UBR3: variants seen among roughly 807,000 people sequenced by gnomAD.
The protein encoded by UBR3 is E3 ubiquitin-protein ligase UBR3.
Under a neutral mutation model 243.2 loss-of-function variants are expected in UBR3, and 85 were observed. The ratio of observed to expected loss-of-function variants is 0.35; its 90% CI spans 0.29 to 0.42. UBR3 has a LOEUF of 0.42. Ranked by LOEUF, UBR3 falls within the 10% of genes least tolerant of loss-of-function variation. The pLI is 1.00. For missense variants in UBR3, 1,686 were observed against 2,300.8 expected, an observed-to-expected ratio of 0.73 and a Z score of 5.47; for synonymous variants, 748 against 799.8, an observed-to-expected ratio of 0.94 and a Z score of 1.09.
chr2:170,066,198 T>C (rs964227463), intron 35 of UBR3, among the ~76,000 whole-genome samples: 3 of 152,212 alleles, frequency 2.0e-5, no homozygotes, highest in African/African-American at 7.2e-5. Flanking sequence ...GAATGGTAAC[T>C]AGTAGATGTT....
chr2:169,894,036 T>G (rs1486515942), intron 6 of UBR3, among the ~76,000 whole-genome samples: 1 of 152,146 alleles, frequency 6.6e-6, no homozygotes, highest in African/African-American at 2.4e-5. Context: ...GGAAATGATC[T>G]GTTTCAGGAA....
intron 3 of UBR3, among the ~76,000 whole-genome samples, chr2:169,877,207 G>T (rs115363083): frequency 1.3e-5 from 2 of 152,138 alleles, no homozygotes; most frequent in Non-Finnish European, 2.9e-5. Context: ...TTCCTTTAAA[G>T]TTCGGATCAT....
chr2:169,960,577 G>GT (rs1048827533), intron 24 of UBR3, among the ~76,000 whole-genome samples: 1 of 151,428 alleles, frequency 6.6e-6, no homozygotes, highest in Non-Finnish European at 1.5e-5. Context: ...TTATATTTTT[G>GT]TTTTTTTACA....
At chr2:170,043,293 T>C (rs1034010676) in intron 32 of UBR3, among the ~76,000 whole-genome samples, 2 of 152,160 alleles carry the variant, frequency 1.3e-5, no homozygotes, top group Non-Finnish European at 2.9e-5. Flanking sequence ...GTTGTGTCAG[T>C]GTCTGAGAGC....
chr2:169,910,197 A>G (rs912666164), intron 10 of UBR3, among the ~76,000 whole-genome samples: 1 of 152,170 alleles, frequency 6.6e-6, no homozygotes, highest in Non-Finnish European at 1.5e-5. Flanking sequence ...TATAGAAGAT[A>G]TTTATCACCA....
At chr2:170,008,405 T>C (rs947448743) in intron 28 of UBR3, among the ~76,000 whole-genome samples, 5 of 152,210 alleles carry the variant, frequency 3.3e-5, no homozygotes, top group Non-Finnish European at 5.9e-5. Flanking sequence ...CAAATTCTTA[T>C]GTGTTTAAAA....
chr2:169,847,259 GT>G (rs2082515015), intron 1 of UBR3, among the ~76,000 whole-genome samples: 2 of 151,994 alleles, frequency 1.3e-5, no homozygotes, highest in Non-Finnish European at 2.9e-5. Context: ...CTTGTTTCCT[GT>G]TTATCCCATC....
At chr2:170,062,122 A>G (rs960078840) in intron 35 of UBR3, among the ~76,000 whole-genome samples, 1 of 152,212 alleles carries the variant, frequency 6.6e-6, no homozygotes, top group Admixed American at 6.5e-5. Flanking sequence ...GACAGCATTT[A>G]TAGCAGTATT....
chr2:169,899,264 G>A (rs1242801067), intron 8 of UBR3, among the ~76,000 whole-genome samples: 1 of 152,204 alleles, frequency 6.6e-6, no homozygotes, highest in Non-Finnish European at 1.5e-5. Flanking sequence ...ACAGGCATGA[G>A]CCACCATGCC....
intron 20 of UBR3, among the ~76,000 whole-genome samples, chr2:169,944,339 A>G (rs1322666935): frequency 6.6e-6 from 1 of 152,154 alleles, no homozygotes; most frequent in African/African-American, 2.4e-5. Context: ...TATAAGTAAT[A>G]ATTAATAAGT....
intron 18 of UBR3, among the ~76,000 whole-genome samples, chr2:169,931,904 C>T (rs1202560819): frequency 6.6e-6 from 1 of 151,944 alleles, no homozygotes; most frequent in Non-Finnish European, 1.5e-5. Flanking sequence ...ATACTTAATA[C>T]TTAAAATCAT....
rs1439076274 is a variant in UBR3 at position 169,914,153 on chromosome 2, A to G, written c.1866+7A>G. 7 of 1,467,978 alleles carry G rather than the reference A, an allele frequency of 4.8e-6. No homozygotes were observed. The East Asian group carries it at 1.1e-4, about 22-fold the overall frequency. 90.9% of individuals were successfully genotyped at this position (1,467,978 alleles called of 1,614,324 possible). A position where few individuals can be genotyped will look rare whatever the true frequency, so the allele number is the denominator to read the frequency against. On this transcript the variant is annotated splice_region_variant and intron_variant, in intron 11 of 38. Coordinates refer to ENST00000272793, the MANE Select transcript of UBR3 (RefSeq NM_172070.4). ...TATTAACTTCGTAGACGAGGTATGTATATTTTTGATGTATGTAAATTTTTT... is the reference window on the plus strand; with the variant it reads ...TATTAACTTCGTAGACGAGGTATGTGTATTTTTGATGTATGTAAATTTTTT...
intron 26 of UBR3, among the ~76,000 whole-genome samples, chr2:169,999,759 G>A (rs1296166569): frequency 6.6e-6 from 1 of 152,086 alleles, no homozygotes; most frequent in African/African-American, 2.4e-5. Flanking sequence ...AGATTTAGAG[G>A]GAGGAATTAG....
chr2:169,981,774 A>G (rs2105384297), intron 24 of UBR3, among the ~76,000 whole-genome samples: 1 of 152,102 alleles, frequency 6.6e-6, no homozygotes, highest in Non-Finnish European at 1.5e-5. Flanking sequence ...GGGAGGGTAC[A>G]TGTAGTATCT....
Position 169,970,043 on chromosome 2 carries a change from A to G in UBR3, c.3634+11517A>G, listed in dbSNP as rs200809811. 6.6e-5 allele frequency among the ~76,000 whole-genome samples: 10 copies of G among 150,982 alleles called. No homozygotes were observed. The East Asian group carries it at 2.0e-3, about 30-fold the overall frequency. ...TATCTCTTTTTCTACCTCTGTGAAG[A>G]ATGTCATTGGTATTGATAGGGGATT... On this transcript the variant is annotated intron_variant, in intron 24 of 38. Transcript: ENST00000272793.
intron 29 of UBR3, among the ~76,000 whole-genome samples, chr2:170,012,215 A>T (rs188041937): frequency 6.6e-6 from 1 of 152,268 alleles, no homozygotes; most frequent in African/African-American, 2.4e-5. Context: ...TCCTAAAACA[A>T]TCCTTTTTTG....
At chr2:169,845,528 G>A (rs112828328) in intron 1 of UBR3, among the ~76,000 whole-genome samples, 5 of 107,902 alleles carry the variant, frequency 4.6e-5, no homozygotes, top group African/African-American at 9.9e-5. Context: ...CGTCGTCGTC[G>A]TCGTCTTCTT....
intron 30 of UBR3, among the ~76,000 whole-genome samples, chr2:170,028,891 A>G (rs2090600864): frequency 6.6e-6 from 1 of 152,036 alleles, no homozygotes; most frequent in Middle Eastern, 3.4e-3. Flanking sequence ...TTCACTCTTC[A>G]GTCTAAATGA....
At chr2:170,014,403 T>C (rs2090176103) in intron 29 of UBR3, 1 of 150,840 alleles carries the variant, frequency 6.6e-6, no homozygotes, top group Non-Finnish European at 1.5e-5. Flanking sequence ...TAGGGTCAAA[T>C]GCATATTAGG....
Sources: gnomAD v4.1 joint callset for allele counts (sites outside exome capture counted in the v4.1 genomes callset) on GRCh38, gnomAD v4.1.1 for gene constraint, MANE v1.5 for transcripts, NCBI Gene and HGNC (gene_info 2026-07-23, HGNC 2026-07-21) for gene names.